The following ALG8 variants were observed in gnomAD, a reference collection of about 807,000 sequenced individuals.
ALG8 encodes the protein dolichyl pyrophosphate Glc1Man9GlcNAc2 alpha-1,3-glucosyltransferase.
Under a neutral mutation model 70.2 loss-of-function variants are expected in ALG8, and 48 were observed. The observed-to-expected ratio is 0.68, with a 90% CI of 0.54 to 0.87. The LOEUF is 0.87. Ranked by LOEUF, ALG8 falls within the 40% of genes least tolerant of loss-of-function variation. ALG8 has a pLI of 0.00. For missense variants in ALG8, 572 were observed against 608.7 expected (o/e 0.94, Z 0.64); for synonymous variants, 234 against 229.0 (o/e 1.02, Z -0.20).
chr11:78,113,190 C>G (rs1326420923), intron 7 of ALG8, among the ~76,000 whole-genome samples: 1 of 152,168 alleles, frequency 6.6e-6, no homozygotes, highest in Non-Finnish European at 1.5e-5. Context: ...AAGAAAACAT[C>G]TGAACATCTG....
intron 6 of ALG8, 113 bp from the exon 7 acceptor site, chr11:78,114,102 T>C (rs1860447448): frequency 1.5e-6 from 2 of 1,360,932 alleles, no homozygotes; most frequent in African/African-American, 1.4e-5. Context: ...AATCTATTCA[T>C]GATGTGGCAA....
In ALG8 at chr11:78,110,516, C is replaced by T. The variant is rs376386599; in HGVS notation, c.899-935G>A. On this transcript the variant is annotated intron_variant, in intron 8 of 12. Transcript: ENST00000299626. ...TGAGTGAGCTCACTCTAACAGTGTTCACCACAAGGCACTGCACTTGTTTAT... is the reference window on the plus strand; with the variant it reads ...TGAGTGAGCTCACTCTAACAGTGTTTACCACAAGGCACTGCACTTGTTTAT... Among the ~76,000 whole-genome samples the T allele has an allele frequency of 2.2e-4, 33 of 152,290 alleles. No homozygotes were observed. In the East Asian group the frequency reaches 4.8e-3, roughly 22 times the overall value.
chr11:78,126,715 C>T (rs548907), intron 2 of ALG8, among the ~76,000 whole-genome samples: 33,104 of 151,980 alleles, frequency 0.22, 4,462 homozygotes, highest in African/African-American at 0.38. Context: ...TCCAAATCCT[C>T]ATGTGCCAGA....
chr11:78,113,652 G>A (rs952497074), intron 7 of ALG8, among the ~76,000 whole-genome samples: 2 of 150,696 alleles, frequency 1.3e-5, no homozygotes, highest in African/African-American at 4.9e-5. Flanking sequence ...GGTGGAGGTT[G>A]CAGTGAGCCG....
intron 6 of ALG8, 76 bp from the exon 7 acceptor site, chr11:78,114,065 A>C: frequency 7.0e-7 from 1 of 1,430,752 alleles, no homozygotes; most frequent in East Asian, 2.5e-5. Flanking sequence ...ATGTGCTAAA[A>C]CTAGAAGTAT....
chr11:78,136,597 G>C (rs553825711), intron 1 of ALG8, among the ~76,000 whole-genome samples: 13 of 152,308 alleles, frequency 8.5e-5, no homozygotes, highest in Admixed American at 2.6e-4. Context: ...AGTAAACCAT[G>C]CTGTAAATAG....
chr11:78,108,002 G>A (rs1490800215), intron 9 of ALG8, among the ~76,000 whole-genome samples: 3 of 151,670 alleles, frequency 2.0e-5, no homozygotes, highest in African/African-American at 7.3e-5. Flanking sequence ...AAAAAAGGCC[G>A]GGTGTGGTGG....
chr11:78,119,013 T>C (rs1860704194), intron 5 of ALG8, among the ~76,000 whole-genome samples, 169 bp downstream of exon 5: 1 of 152,198 alleles, frequency 6.6e-6, no homozygotes, highest in African/African-American at 2.4e-5. Context: ...AAGAAAATTA[T>C]GGTCAAAAGA....
chr11:78,125,254 G>T (rs984908162), intron 2 of ALG8, among the ~76,000 whole-genome samples: 6 of 151,540 alleles, frequency 4.0e-5, no homozygotes, highest in African/African-American at 1.5e-4. Context: ...GGACGGTCTC[G>T]ATCTCCTGAC....
intron 6 of ALG8, 63 bp downstream of exon 6, chr11:78,114,203 C>T: frequency 6.2e-7 from 1 of 1,604,796 alleles, no homozygotes. Context: ...ATCAAGCAAG[C>T]CACCAAGTCA....
At chr11:78,107,702 C>A in intron 9 of ALG8, 1 of 206,980 alleles carries the variant, frequency 4.8e-6, no homozygotes, top group South Asian at 6.0e-5. Context: ...ACTAGCTGGG[C>A]GTGGTGGTAC....
intron 5 of ALG8, 164 bp from the exon 6 acceptor site, chr11:78,114,556 A>G: frequency 1.3e-6 from 1 of 794,524 alleles, no homozygotes. Context: ...TGAATGTACC[A>G]TGGTTATGTA....
At chr11:78,133,468 C>CCATG (rs1462504832) in intron 1 of ALG8, 2 of 152,108 alleles carry the variant, frequency 1.3e-5, no homozygotes, top group African/African-American at 4.8e-5. Flanking sequence ...TGTGCGTGGA[C>CCATG]CATGCTAAGC....
intron 5 of ALG8, 176 bp from the exon 6 acceptor site, chr11:78,114,568 G>A: frequency 1.3e-6 from 1 of 744,820 alleles, no homozygotes. Context: ...GGTTATGTAA[G>A]GTGGTAATGG....
At chr11:78,123,315 GA>G (rs1220218900) in intron 3 of ALG8, among the ~76,000 whole-genome samples, 10,490 of 88,818 alleles carry the variant, frequency 0.12, 188 homozygotes, top group Admixed American at 0.16. Context: ...GGAAAAAAAA[GA>G]AAAAAAAAAA....
At position 78,112,683 on chromosome 11, in the gene ALG8, A is replaced by C. The variant is rs1211756029; in HGVS notation, c.865T>G (p.Tyr289Asp). 6.2e-7 allele frequency: 1 copy of C among 1,614,106 alleles called. No individual in the cohort carries two copies. Among genetic ancestry groups the C allele is most frequent in the Non-Finnish European group, 8.5e-7 (1 of 1,179,954 alleles). ...AYWAPNFWAL[Y>D]NALDKVLSVI... ...GACAGCACTTTGTCCAAAGCATTGT[A>C]CAAAGCCCAGAAGTTTGGAGCCCAA... Residue 289 changes from tyrosine to aspartate, a missense_variant, in exon 8 of 13, where the codon TAC becomes GAC. Tyr to Asp is a radical substitution (Grantham distance 160, BLOSUM62 -3). Coordinates refer to ENST00000299626, the MANE Select transcript of ALG8 (RefSeq NM_024079.5).
intron 5 of ALG8, among the ~76,000 whole-genome samples, chr11:78,118,564 C>T (rs1476138129): frequency 1.5e-5 from 2 of 132,890 alleles, no homozygotes; most frequent in Non-Finnish European, 3.1e-5. Context: ...TGCAGTGAGC[C>T]GGGATTGTGC....
intron 11 of ALG8, 107 bp from the exon 12 acceptor site, chr11:78,104,159 C>A (rs766691022): frequency 5.3e-5 from 48 of 911,160 alleles, no homozygotes; most frequent in Non-Finnish European, 7.8e-5. Flanking sequence ...GCTAATAATA[C>A]TTTTTAAGTT....
At chr11:78,127,266 C>T (rs1486378840) in intron 2 of ALG8, 92 bp downstream of exon 2, 5 of 1,207,560 alleles carry the variant, frequency 4.1e-6, no homozygotes, top group Admixed American at 2.0e-5. Context: ...CGTGAGCCAC[C>T]GCACCCAGCC....
Sources: allele counts gnomAD v4.1 joint callset (sites outside exome capture counted in the v4.1 genomes callset), GRCh38; gene constraint gnomAD v4.1.1; transcripts MANE v1.5; gene names NCBI Gene and HGNC (gene_info 2026-07-23, HGNC 2026-07-21).